SPTB: variants seen among roughly 807,000 people sequenced by gnomAD.
The protein encoded by SPTB is spectrin beta, erythrocytic.
A neutral mutation model predicts 256.2 loss-of-function variants in SPTB; 45 were observed. That is an observed-to-expected ratio of 0.18 (90% CI 0.14 to 0.23). The LOEUF is 0.23. SPTB is among the 10% of genes least tolerant of loss of function. The pLI, the probability that SPTB is intolerant of heterozygous loss-of-function variation, is 1.00. For synonymous variants in SPTB, 1,231 were observed against 1,243.1 expected, an observed-to-expected ratio of 0.99 and a Z score of 0.21; for missense variants, 2,715 against 3,040.4, an observed-to-expected ratio of 0.89 and a Z score of 2.52.
chr14:64,768,300 A>G (rs981476766), intron 29 of SPTB: 1 of 264,076 alleles, frequency 3.8e-6, no homozygotes, highest in Non-Finnish European at 7.4e-6. Context: ...TTGGCCTCCC[A>G]AAGTGCTGGG....
chr14:64,775,250 C>G lies in SPTB; in HGVS notation c.4717G>C (p.Ala1573Pro). ...CTCAGTCGCTGCAGCCTCCCGGCCG[C>G]TGCCTCCCGCAGCCTGTCCCAGGAG... ...QSSWDRLREA[A>P]AGRLQRLRDA... Residue 1573 changes from alanine (A) to proline (P), a missense_variant, in exon 23 of 36, where the codon GCG (alanine) becomes CCG (proline). Coordinates refer to ENST00000644917, the MANE Select transcript of SPTB (RefSeq NM_001355436.2). This position sits in a 1 kb window ranked among gnomAD's most constrained non-coding sequence, Gnocchi z 5.0. The G allele has an allele frequency of 6.2e-7, 1 of 1,613,710 alleles. No individual in the cohort carries two copies. Among genetic ancestry groups the G allele is most frequent in the East Asian group, 2.2e-5 (1 of 44,886 alleles).
rs748429718 is a variant in SPTB at position 64,824,897 on chromosome 14, T to C, written c.-51-1752A>G. 1.3e-5 allele frequency among the ~76,000 whole-genome samples: 2 copies of C among 151,966 alleles called. No individual in the cohort carries two copies. Among genetic ancestry groups the C allele is most frequent in the East Asian group, 1.9e-4 (1 of 5,152 alleles). ...CCCACCACATCCTTGTGAGGTAAGA[T>C]AGGAGCCAGGATTACCCACCCTAAT... On this transcript the variant is annotated intron_variant, in intron 1 of 35. Coordinates refer to ENST00000644917, the MANE Select transcript of SPTB (RefSeq NM_001355436.2). The surrounding 1 kb of genome is among the most constrained non-coding windows in gnomAD (Gnocchi z 5.7).
rs932360662 is a variant in SPTB, at chr14:64,779,580, T to C, written c.4473+145A>G. ...GCACTGGCTTGAGCTTTCCATTTAATGTAATCCTCACAAGAACCCTATGAG... is the reference window on the plus strand; with the variant it reads ...GCACTGGCTTGAGCTTTCCATTTAACGTAATCCTCACAAGAACCCTATGAG... On this transcript the variant is annotated intron_variant, in intron 21 of 35. Transcript: ENST00000644917. This position sits in a 1 kb window ranked among gnomAD's most constrained non-coding sequence, Gnocchi z 4.2. The C allele has an allele frequency of 2.3e-6, 2 of 863,454 alleles. No homozygotes were observed. The highest frequency in any genetic ancestry group is 3.5e-5 in the Admixed American group (2 of 56,702). 53.5% of individuals were successfully genotyped at this position (863,454 alleles called of 1,614,324 possible).
chr14:64,811,348 C>A (rs1307941911), intron 2 of SPTB, among the ~76,000 whole-genome samples: 1 of 152,128 alleles, frequency 6.6e-6, no homozygotes, highest in African/African-American at 2.4e-5. Context: ...AAATTAAAAG[C>A]CCACGTGCAT....
intron 32 of SPTB, among the ~76,000 whole-genome samples, chr14:64,765,854 CAT>C (rs2082165394): frequency 7.8e-6 from 1 of 127,546 alleles, no homozygotes; most frequent in African/African-American, 3.3e-5. Flanking sequence ...GGTGTGTGCA[CAT>C]GTATGTGTGT....
At chr14:64,856,443 A>AT (rs2083874554) in intron 1 of SPTB, among the ~76,000 whole-genome samples, 1 of 152,232 alleles carries the variant, frequency 6.6e-6, no homozygotes, top group Non-Finnish European at 1.5e-5. Context: ...AGCCATCAGC[A>AT]TCATGCCCCT....
intron 2 of SPTB, among the ~76,000 whole-genome samples, chr14:64,814,428 TA>T (rs2083151743): frequency 6.6e-6 from 1 of 152,236 alleles, no homozygotes; most frequent in Admixed American, 6.5e-5. Flanking sequence ...TGGTTTCCTT[TA>T]TCTGTTTTTC....
intron 1 of SPTB, among the ~76,000 whole-genome samples, chr14:64,860,716 C>T (rs9323456): frequency 0.94 from 142,737 of 152,208 alleles, 67,541 homozygotes; most frequent in Non-Finnish European, 0.98. Flanking sequence ...ATAATAAGCA[C>T]TGAACAAAAA....
In SPTB at chr14:64,779,428, A is replaced by G. The variant is rs553599541; in HGVS notation, c.4474-182T>C. On this transcript the variant is annotated intron_variant, in intron 21 of 35. Transcript: ENST00000644917. The surrounding 1 kb of genome is among the most constrained non-coding windows in gnomAD (Gnocchi z 4.2). ...TTGGGGATTTTGAACTGAGGTTCCA[A>G]ATAACTTGCTCCTAGTCAGACAGTG... is the stretch of plus-strand genomic sequence containing the variant. Among the ~76,000 whole-genome samples, 5 of 152,330 alleles carry G rather than the reference A, an allele frequency of 3.3e-5. No homozygotes were observed. Among genetic ancestry groups the G allele is most frequent in the African/African-American group, 9.6e-5 (4 of 41,576 alleles).
intron 32 of SPTB, chr14:64,757,133 C>G (rs1355863344): frequency 1.3e-5 from 2 of 152,296 alleles, no homozygotes; most frequent in African/African-American, 4.8e-5. Context: ...CTCTCCCTGC[C>G]CTTGGGTCTC....
chr14:64,833,092 G>A (rs229609), intron 1 of SPTB, among the ~76,000 whole-genome samples: 52,241 of 151,986 alleles, frequency 0.34, 11,310 homozygotes, highest in African/African-American at 0.61. Flanking sequence ...CTTCCCCCCA[G>A]CTTCTCCAAT....
At position 64,787,737 on chromosome 14, in the gene SPTB, A is replaced by C. The variant is rs59809348; in HGVS notation, c.2805-577T>G. On this transcript the variant is annotated intron_variant, in intron 15 of 35. Transcript: ENST00000644917. ...TGTGATGATAATTTAAGTGACTAGC[A>C]TAATCTTAACCTTCGAGTGCAGTGT... Among the ~76,000 whole-genome samples, 230 of 152,384 alleles carry C rather than the reference A, an allele frequency of 1.5e-3. 2 individuals carry two copies. In the East Asian group the frequency reaches 0.017, roughly 11 times the overall value.
At chr14:64,856,330 A>G (rs559013872) in intron 1 of SPTB, among the ~76,000 whole-genome samples, 1 of 152,286 alleles carries the variant, frequency 6.6e-6, no homozygotes, top group South Asian at 2.1e-4. Context: ...CACAGCTGCC[A>G]CCTGAGAGGG....
rs568845730 is a variant in SPTB at position 64,845,765 on chromosome 14, G to A, written c.-51-22620C>T. Reference sequence around the variant, plus strand: ...GTGAAATGAGTTCTGCCATGGGCTCGCCTAGTCTCTTCATTGTTGAGTCAA... The same window carrying A: ...GTGAAATGAGTTCTGCCATGGGCTCACCTAGTCTCTTCATTGTTGAGTCAA... On this transcript the variant is annotated intron_variant, in intron 1 of 35. Transcript: ENST00000644917. This position sits in a 1 kb window ranked among gnomAD's most constrained non-coding sequence, Gnocchi z 4.8. Among the ~76,000 whole-genome samples, 54 of 152,228 alleles carry A rather than the reference G, an allele frequency of 3.5e-4. No individual in the cohort carries two copies. The highest frequency in any genetic ancestry group is 1.1e-3 in the African/African-American group (46 of 41,526).
chr14:64,750,432 G>A (rs2081927855), intron 33 of SPTB, among the ~76,000 whole-genome samples: 1 of 151,308 alleles, frequency 6.6e-6, no homozygotes, highest in African/African-American at 2.4e-5. Context: ...ATTTTATATC[G>A]TGTTTCTAAG....
chr14:64,797,808 G>C lies in SPTB; in HGVS notation c.1103C>G (p.Thr368Ser). 1 of 1,614,082 alleles carries C rather than the reference G, an allele frequency of 6.2e-7. No homozygotes were observed. The highest frequency in any genetic ancestry group is 8.5e-7 in the Non-Finnish European group (1 of 1,179,948). ...GTTGGCTCTCATCCGGGACTGGATG[G>C]TAAAAAGTAGAACTTCCAGATTCCC... Reference protein sequence around the residue: ...EKGNLEVLLFTIQSRMRANNQ... With the variant: ...EKGNLEVLLFSIQSRMRANNQ... Residue 368 changes from threonine (T) to serine (S), a missense_variant, in exon 10 of 36, where the codon ACC becomes AGC. Physicochemically the swap from Thr to Ser is moderately conservative, Grantham distance 58. This residue lies in a region of SPTB where 416 missense variants were observed against 571.1 expected (regional missense o/e 0.73). Transcript: ENST00000644917.
Position 64,766,756 on chromosome 14 carries a change from G to C in SPTB, c.6315C>G (p.Ser2105=), listed in dbSNP as rs1164831682. The C allele has an allele frequency of 6.4e-7, 1 of 1,572,152 alleles. No homozygotes were observed. The highest frequency in any genetic ancestry group is 1.5e-5 in the African/African-American group (1 of 66,480). Residue 2105 remains serine (S), a synonymous_variant, in exon 32 of 36, where the codon TCC becomes TCG. Coordinates refer to ENST00000644917, the MANE Select transcript of SPTB (RefSeq NM_001355436.2). ...EGETAGEAPV[S]HHAATERTSP... is the part of the protein sequence containing the mutation. Reference sequence around the variant, plus strand: ...ACGTTCTCTCGGTGGCCGCATGGTGGGAAACTGGAGCCTCCCCTGCTGTCT... The same window carrying C: ...ACGTTCTCTCGGTGGCCGCATGGTGCGAAACTGGAGCCTCCCCTGCTGTCT...
rs935332550 is a variant in SPTB, at chr14:64,836,927, A to G, written c.-51-13782T>C. On this transcript the variant is annotated intron_variant, in intron 1 of 35. Transcript: ENST00000644917. ...AGGAGGTATGTCTTTTGAGAGAGGA[A>G]ATTTAGGAGCCAAACCAGGCCAATG... Among the ~76,000 whole-genome samples, 6 of 152,280 alleles carry G rather than the reference A, an allele frequency of 3.9e-5. No homozygotes were observed. In the East Asian group the frequency reaches 1.2e-3, roughly 29 times the overall value.
At chr14:64,813,901 A>G in intron 2 of SPTB, among the ~76,000 whole-genome samples, 1 of 152,338 alleles carries the variant, frequency 6.6e-6, no homozygotes, top group East Asian at 1.9e-4. Context: ...AATAAAGCCT[A>G]GCATGGGGCA....
Sources: gnomAD v4.1 joint callset for allele counts (sites outside exome capture counted in the v4.1 genomes callset) on GRCh38, gnomAD v4.1.1 for gene constraint, gnomAD v4.1.1 regional missense constraint, Gnocchi (gnomAD v3.1) non-coding constraint, MANE v1.5 for transcripts, NCBI Gene and HGNC (gene_info 2026-07-23, HGNC 2026-07-21) for gene names.